PDHX: variants seen among roughly 807,000 people sequenced by gnomAD.
PDHX encodes pyruvate dehydrogenase protein X component, mitochondrial.
A neutral mutation model predicts 55.3 loss-of-function variants in PDHX; 33 were observed. The ratio of observed to expected loss-of-function variants is 0.60; its 90% CI spans 0.45 to 0.80. The LOEUF (loss-of-function observed/expected upper bound fraction) is 0.80, where lower values mean the gene tolerates loss of function less well. Ranked by LOEUF, PDHX falls within the 30% of genes least tolerant of loss-of-function variation. PDHX has a pLI of 0.00. For synonymous variants in PDHX, 226 were observed against 219.4 expected (o/e 1.03, Z -0.27); for missense variants, 622 against 619.9 (o/e 1.00, Z -0.04).
At chr11:34,988,236 CAAT>C (rs973724120) in intron 9 of PDHX, among the ~76,000 whole-genome samples, 2 of 152,078 alleles carry the variant, frequency 1.3e-5, no homozygotes, top group Non-Finnish European at 2.9e-5. Flanking sequence ...ACAACTCTAA[CAAT>C]AATAGCAGCG....
At chr11:34,942,771 G>A (rs1222599724) in intron 2 of PDHX, among the ~76,000 whole-genome samples, 1 of 152,040 alleles carries the variant, frequency 6.6e-6, no homozygotes, top group Admixed American at 6.5e-5. Context: ...TGATTTATTG[G>A]TAAAGTGTTC....
At chr11:34,946,954 A>G (rs909813260) in intron 2 of PDHX, among the ~76,000 whole-genome samples, 1 of 152,182 alleles carries the variant, frequency 6.6e-6, no homozygotes, top group African/African-American at 2.4e-5. Flanking sequence ...TTGAGTTTCC[A>G]GATATTTTCT....
intron 4 of PDHX, 115 bp downstream of exon 4, chr11:34,957,698 GTTCT>G: frequency 6.0e-6 from 5 of 827,154 alleles, no homozygotes; most frequent in Admixed American, 2.1e-5. Flanking sequence ...GGAAGTTGCT[GTTCT>G]CAGCACACTC....
chr11:34,985,561 G>C (rs74698814), intron 9 of PDHX, among the ~76,000 whole-genome samples: 2 of 152,078 alleles, frequency 1.3e-5, no homozygotes, highest in Non-Finnish European at 2.9e-5. Flanking sequence ...ATAGTACATC[G>C]AATAGGCAAG....
rs3980628 is a variant in PDHX, at chr11:34,944,079, ATG to A, written c.242-3413_242-3412del. 5.7e-3 allele frequency among the ~76,000 whole-genome samples: 835 copies of A among 147,746 alleles called. 8 individuals carry two copies. The highest frequency in any genetic ancestry group is 0.018 in the African/African-American group (724 of 40,652). ...TAATATATAAATATATAATACAAAT[ATG>A]TGTGTGTGTGTGTATATATATATAA... On this transcript the variant is annotated intron_variant, in intron 2 of 10. Transcript: ENST00000227868.
chr11:34,985,745 A>G (rs562522773), intron 9 of PDHX, among the ~76,000 whole-genome samples: 18 of 152,300 alleles, frequency 1.2e-4, no homozygotes, highest in African/African-American at 3.1e-4. Flanking sequence ...AACAATTTGT[A>G]TATTTATAAG....
At chr11:34,950,016 G>A (rs939495447) in intron 3 of PDHX, among the ~76,000 whole-genome samples, 2 of 151,526 alleles carry the variant, frequency 1.3e-5, no homozygotes, top group Non-Finnish European at 1.5e-5. Flanking sequence ...AATTATTCTC[G>A]GTACTATTCA....
chr11:34,963,816 A>C (rs1855070792), intron 5 of PDHX, among the ~76,000 whole-genome samples: 1 of 152,204 alleles, frequency 6.6e-6, no homozygotes, highest in African/African-American at 2.4e-5. Context: ...TGTTTTAAGA[A>C]AGCAGTGTCG....
intron 2 of PDHX, among the ~76,000 whole-genome samples, chr11:34,945,927 A>G (rs1179243928): frequency 6.6e-6 from 1 of 152,174 alleles, no homozygotes; most frequent in African/African-American, 2.4e-5. Context: ...TGATGAGAGT[A>G]TACATCTCCA....
Position 34,951,294 on chromosome 11 carries a change from C to A in PDHX, c.342+3688C>A, listed in dbSNP as rs945261566. ...CAGGATGGTCTCGATCTCCTGACCT[C>A]ATGATCCACCCGCCTCGGCCTCCCA... On this transcript the variant is annotated intron_variant, in intron 3 of 10. Coordinates refer to ENST00000227868, the MANE Select transcript of PDHX (RefSeq NM_003477.3). Among the ~76,000 whole-genome samples, 70 of 151,738 alleles carry A rather than the reference C, an allele frequency of 4.6e-4. 1 individual carries two copies. The highest frequency in any genetic ancestry group is 1.6e-3 in the African/African-American group (66 of 41,232).
At chr11:34,939,629 G>C (rs1854425359) in intron 2 of PDHX, among the ~76,000 whole-genome samples, 1 of 152,124 alleles carries the variant, frequency 6.6e-6, no homozygotes, top group Admixed American at 6.5e-5. Context: ...GGAGTGAGTT[G>C]AACTAGCTGA....
At chr11:34,972,460 C>G (rs996588898) in intron 7 of PDHX, among the ~76,000 whole-genome samples, 2 of 150,426 alleles carry the variant, frequency 1.3e-5, no homozygotes, top group African/African-American at 4.9e-5. Context: ...TGCAGTGGTG[C>G]GATCTCGGTT....
intron 8 of PDHX, among the ~76,000 whole-genome samples, chr11:34,981,548 T>G (rs1855514121): frequency 6.6e-6 from 1 of 152,234 alleles, no homozygotes; most frequent in South Asian, 2.1e-4. Context: ...ATGGTATTTC[T>G]AGTTCTAGAT....
chr11:34,971,728 C>G (rs1855262498), intron 7 of PDHX, among the ~76,000 whole-genome samples: 1 of 151,942 alleles, frequency 6.6e-6, no homozygotes, highest in Non-Finnish European at 1.5e-5. Flanking sequence ...AAATGCTAAC[C>G]TGTAGTTTTC....
intron 6 of PDHX, among the ~76,000 whole-genome samples, chr11:34,968,366 CAT>C (rs1855181746): frequency 6.6e-6 from 1 of 151,670 alleles, no homozygotes; most frequent in African/African-American, 2.4e-5. Context: ...ACTTTGCTAA[CAT>C]AAAATGTTTA....
chr11:34,984,608 C>T lies in PDHX; in HGVS notation c.1062C>T (p.Gly354=). Residue 354 remains glycine, a synonymous_variant, in exon 9 of 11, where the codon GGC becomes GGT. Transcript: ENST00000227868. ...TTAATGTAAGCTGGGATGGAGAGGG[C>T]CCAAAGCAACTGCCATTTATTGACA... is the stretch of plus-strand genomic sequence containing the variant. ...PDVNVSWDGE[G]PKQLPFIDIS... 1 of 1,613,818 alleles carries T rather than the reference C, an allele frequency of 6.2e-7. No individual in the cohort carries two copies. The highest frequency in any genetic ancestry group is 8.5e-7 in the Non-Finnish European group (1 of 1,179,848).
chr11:34,994,714 A>T (rs1318072865), intron 10 of PDHX, among the ~76,000 whole-genome samples, 200 bp from the exon 11 acceptor site: 2 of 152,178 alleles, frequency 1.3e-5, no homozygotes, highest in Non-Finnish European at 2.9e-5. Flanking sequence ...TATTAATTTT[A>T]CTAGTTATCT....
chr11:34,941,609 C>T (rs1292062764), intron 2 of PDHX, among the ~76,000 whole-genome samples: 1 of 152,170 alleles, frequency 6.6e-6, no homozygotes, highest in South Asian at 2.1e-4. Context: ...CCACCACCAC[C>T]ACACACATCT....
chr11:34,991,168 G>T (rs896031436), intron 9 of PDHX, among the ~76,000 whole-genome samples: 2 of 152,134 alleles, frequency 1.3e-5, no homozygotes, highest in East Asian at 3.9e-4. Flanking sequence ...TTTAGAAATC[G>T]CTGTGGTCAA....
Sources: allele counts gnomAD v4.1 joint callset (sites outside exome capture counted in the v4.1 genomes callset), GRCh38; gene constraint gnomAD v4.1.1; transcripts MANE v1.5; gene names NCBI Gene and HGNC (gene_info 2026-07-23, HGNC 2026-07-21).